FBXL17: variants seen among roughly 807,000 people sequenced by gnomAD.
The protein encoded by FBXL17 is F-box and leucine rich repeat protein 17, also known as F-box/LRR-repeat protein 17.
FBXL17 carries 22 observed loss-of-function variants against 66.2 expected under a neutral mutation model. That is an observed-to-expected ratio of 0.33 (90% confidence interval 0.24 to 0.47). The LOEUF (loss-of-function observed/expected upper bound fraction) is 0.47, where lower values mean the gene tolerates loss of function less well. Ranked by LOEUF, FBXL17 falls within the 20% of genes least tolerant of loss-of-function variation. FBXL17 has a pLI of 1.00. For missense variants in FBXL17, 878 were observed against 948.2 expected (o/e 0.93, Z 0.97); for synonymous variants, 474 against 400.5 (o/e 1.18, Z -2.19).
intron 7 of FBXL17, among the ~76,000 whole-genome samples, chr5:107,898,406 A>G (rs184440937): frequency 6.6e-6 from 1 of 152,204 alleles, no homozygotes; most frequent in African/African-American, 2.4e-5. Flanking sequence ...AGCCTACTCA[A>G]TGTGAAGATG....
At chr5:107,864,860 T>C (rs1239870890) in intron 8 of FBXL17, among the ~76,000 whole-genome samples, 1 of 152,236 alleles carries the variant, frequency 6.6e-6, no homozygotes, top group South Asian at 2.1e-4. Flanking sequence ...TATTCCTTTA[T>C]AGTAATACAA....
At chr5:108,167,839 A>G (rs1752467236) in intron 6 of FBXL17, among the ~76,000 whole-genome samples, 1 of 152,190 alleles carries the variant, frequency 6.6e-6, no homozygotes, top group Non-Finnish European at 1.5e-5. Flanking sequence ...AAGTAGACAG[A>G]TCACAGCTTT....
chr5:108,380,610 G>A (rs1233731246), intron 1 of FBXL17, 89 bp downstream of exon 1: 3 of 852,038 alleles, frequency 3.5e-6, no homozygotes, highest in East Asian at 3.4e-5. Flanking sequence ...CCCCTCCTCC[G>A]CGCTTAGGGG....
intron 7 of FBXL17, among the ~76,000 whole-genome samples, chr5:107,955,904 C>T (rs1037996531): frequency 4.6e-5 from 7 of 152,140 alleles, no homozygotes; most frequent in African/African-American, 1.7e-4. Flanking sequence ...CAAATAAATT[C>T]TGATCCCATG....
chr5:108,285,617 G>A (rs1475364926), intron 4 of FBXL17, among the ~76,000 whole-genome samples: 1 of 151,680 alleles, frequency 6.6e-6, no homozygotes, highest in Non-Finnish European at 1.5e-5. Flanking sequence ...TTCTTTCTGA[G>A]CAATAGGTCT....
intron 7 of FBXL17, among the ~76,000 whole-genome samples, chr5:107,967,961 T>C (rs912279233): frequency 6.6e-6 from 1 of 152,104 alleles, no homozygotes; most frequent in South Asian, 2.1e-4. Context: ...GTATTGAAAA[T>C]AGCACATTAT....
Position 107,905,159 on chromosome 5 carries a change from A to G in FBXL17, c.1823-23980T>C, listed in dbSNP as rs536837510. Among the ~76,000 whole-genome samples the G allele has an allele frequency of 5.9e-5, 9 of 152,258 alleles. No individual in the cohort carries two copies. The East Asian group carries it at 1.7e-3, about 29-fold the overall frequency. ...TTTAAAATTATTGCTCTATAGTCTA[A>G]GAGATGAGAAAAATTTGAATAGATG... On this transcript the variant is annotated intron_variant, in intron 7 of 8. Coordinates refer to ENST00000542267, the MANE Select transcript of FBXL17 (RefSeq NM_001163315.3).
chr5:108,286,435 G>A (rs1050749035), intron 4 of FBXL17, among the ~76,000 whole-genome samples: 2 of 151,772 alleles, frequency 1.3e-5, no homozygotes, highest in African/African-American at 4.8e-5. Context: ...CAAACAACTT[G>A]AGCAAAGTTT....
chr5:108,244,629 T>C (rs746443261), intron 4 of FBXL17, among the ~76,000 whole-genome samples: 41 of 152,326 alleles, frequency 2.7e-4, no homozygotes, highest in Non-Finnish European at 4.9e-4. Flanking sequence ...TATATCATTG[T>C]ACTTGATAAA....
At chr5:107,905,365 C>G (rs1341877711) in intron 7 of FBXL17, among the ~76,000 whole-genome samples, 1 of 152,112 alleles carries the variant, frequency 6.6e-6, no homozygotes, top group Non-Finnish European at 1.5e-5. Flanking sequence ...ATCCCAAACT[C>G]AAGATTTTAT....
intron 6 of FBXL17, among the ~76,000 whole-genome samples, chr5:108,082,325 A>G (rs2149920313): frequency 6.6e-6 from 1 of 152,266 alleles, no homozygotes; most frequent in South Asian, 2.1e-4. Context: ...TCCTAGCAAT[A>G]TGACTGTGGG....
At chr5:108,047,193 G>A (rs984981500) in intron 6 of FBXL17, among the ~76,000 whole-genome samples, 9 of 152,194 alleles carry the variant, frequency 5.9e-5, no homozygotes, top group African/African-American at 2.2e-4. Context: ...ATGGTGCGGT[G>A]GTACACCTGA....
intron 6 of FBXL17, among the ~76,000 whole-genome samples, chr5:108,183,328 C>T (rs1753087020): frequency 6.6e-6 from 1 of 152,080 alleles, no homozygotes; most frequent in Admixed American, 6.5e-5. Flanking sequence ...CGTGAGCCAC[C>T]ACGCCTGGCC....
In FBXL17 at chr5:108,381,116, G is replaced by C. The variant is rs1433585300; in HGVS notation, c.576C>G (p.Pro192=). The change falls in exon 1 of 9, where the codon CCC becomes CCG. Residue 192 remains proline (P), a synonymous_variant. Coordinates refer to ENST00000542267, the MANE Select transcript of FBXL17 (RefSeq NM_001163315.3). The part of the protein sequence containing the change: ...PTPSPAELPT[P]PEMVCKRKGA... ...CCTTCCGCTTGCACACCATTTCGGG[G>C]GGCGTAGGGAGCTCGGCCGGTGACG... 1 of 1,324,258 alleles carries C rather than the reference G, an allele frequency of 7.6e-7. No homozygotes were observed. Among genetic ancestry groups the C allele is most frequent in the African/African-American group, 1.5e-5 (1 of 65,178 alleles). The allele number at this position is 1,324,258 out of a possible 1,614,324, so 82.0% of individuals were successfully genotyped here.
chr5:107,952,358 G>C (rs1751524524), intron 7 of FBXL17, among the ~76,000 whole-genome samples: 1 of 152,140 alleles, frequency 6.6e-6, no homozygotes, highest in South Asian at 2.1e-4. Flanking sequence ...TTCTACATCT[G>C]CCTCCACTAT....
At chr5:108,012,191 T>C (rs575741983) in intron 7 of FBXL17, among the ~76,000 whole-genome samples, 91 of 152,308 alleles carry the variant, frequency 6.0e-4, no homozygotes, top group African/African-American at 2.1e-3. Context: ...ACTACTTCTT[T>C]CATAAGTTAG....
chr5:108,307,820 T>C (rs973989263), intron 4 of FBXL17, among the ~76,000 whole-genome samples: 4 of 151,276 alleles, frequency 2.6e-5, no homozygotes, highest in African/African-American at 9.7e-5. Context: ...ATTGCTTTTT[T>C]TGAGATACAT....
At chr5:108,343,144 A>T (rs983230283) in intron 4 of FBXL17, among the ~76,000 whole-genome samples, 4 of 152,226 alleles carry the variant, frequency 2.6e-5, no homozygotes, top group African/African-American at 9.6e-5. Flanking sequence ...TGGACTTGTC[A>T]GCCTCCAGAT....
intron 4 of FBXL17, among the ~76,000 whole-genome samples, chr5:108,285,332 G>A (rs1757856412): frequency 6.6e-6 from 1 of 151,848 alleles, no homozygotes; most frequent in South Asian, 2.1e-4. Context: ...AATGATGAAT[G>A]TTCTTAATGG....
Sources: allele counts gnomAD v4.1 joint callset (sites outside exome capture counted in the v4.1 genomes callset), GRCh38; gene constraint gnomAD v4.1.1; transcripts MANE v1.5; gene names NCBI Gene and HGNC (gene_info 2026-07-23, HGNC 2026-07-21).